The following PWWP3A variants were observed in gnomAD, a reference collection of about 807,000 sequenced individuals.
The protein encoded by PWWP3A is PWWP domain-containing DNA repair factor 3A.
In PWWP3A, 53 loss-of-function variants were observed where a neutral mutation model predicts 79.0. The ratio of observed to expected loss-of-function variants is 0.67; its 90% CI spans 0.54 to 0.84. The LOEUF is 0.84. PWWP3A is among the 40% of genes least tolerant of loss of function. PWWP3A has a pLI of 0.00. For synonymous variants in PWWP3A, 443 were observed against 394.4 expected (o/e 1.12, Z -1.46); for missense variants, 973 against 948.0 (o/e 1.03, Z -0.35).
At chr19:1,373,252 C>A in intron 13 of PWWP3A, 92 bp downstream of exon 13, 1 of 1,117,050 alleles carries the variant, frequency 9.0e-7, no homozygotes, top group Non-Finnish European at 1.3e-6. Flanking sequence ...TCCAGGCTGC[C>A]GCAGCCCCTC....
chr19:1,365,718 G>T (rs1327278156), intron 7 of PWWP3A, among the ~76,000 whole-genome samples: 1 of 152,242 alleles, frequency 6.6e-6, no homozygotes, highest in Non-Finnish European at 1.5e-5. Context: ...CAGTTTCTGG[G>T]GTCCCTGCTG....
chr19:1,364,648 C>T (rs1371767875), intron 7 of PWWP3A, 69 bp downstream of exon 7: 3 of 1,152,150 alleles, frequency 2.6e-6, no homozygotes, highest in Non-Finnish European at 3.8e-6. Flanking sequence ...TTCCATCCAT[C>T]TTTAGTTCTT....
At chr19:1,375,876 G>A (rs1211917026) in intron 13 of PWWP3A, among the ~76,000 whole-genome samples, 2 of 128,264 alleles carry the variant, frequency 1.6e-5, no homozygotes, top group Non-Finnish European at 3.3e-5. Context: ...CACAGTCTCG[G>A]CCCACTGCAA....
At position 1,369,092 on chromosome 19, in the gene PWWP3A, G is replaced by A; in HGVS notation, c.1423-173G>A. On this transcript the variant is annotated intron_variant, in intron 9 of 13. Transcript: ENST00000591337. The surrounding 1 kb of genome is among the most constrained non-coding windows in gnomAD (Gnocchi z 4.0). ...CTGGTGCGTTTCCCATTTACCAGAG[G>A]GTCCCTGTGCGAGGCGTCTGCCAGA... is the stretch of plus-strand genomic sequence containing the variant. 1 of 608,464 alleles carries A rather than the reference G, an allele frequency of 1.6e-6. No homozygotes were observed. The highest frequency in any genetic ancestry group is 3.0e-6 in the Non-Finnish European group (1 of 337,402). The allele number at this position is 608,464 out of a possible 1,614,324, so 37.7% of individuals were successfully genotyped here. A position where few individuals can be genotyped will look rare whatever the true frequency, so the allele number is the denominator to read the frequency against.
rs2082191471 is a variant in PWWP3A, at chr19:1,368,984, G to A, written c.1423-281G>A. ...GATCAGCCCAAGCCATCGGGTCCCC[G>A]GTGCCCACCTGCGTTCAGATCAGCC... On this transcript the variant is annotated intron_variant, in intron 9 of 13. Transcript: ENST00000591337. This position sits in a 1 kb window ranked among gnomAD's most constrained non-coding sequence, Gnocchi z 4.7. The A allele has an allele frequency of 8.3e-6, 3 of 359,390 alleles. No individual in the cohort carries two copies. Among genetic ancestry groups the A allele is most frequent in the Non-Finnish European group, 1.6e-5 (3 of 189,842 alleles). 22.3% of individuals were successfully genotyped at this position (359,390 alleles called of 1,614,324 possible).
Position 1,376,595 on chromosome 19 carries a change from T to G in PWWP3A, c.*19T>G. ...TCGGTGAGGGAGCAGCCGGCTGTGCTGTCAGCGGGGCCTGGCGGTGGAAGC... is the reference window on the plus strand; with the variant it reads ...TCGGTGAGGGAGCAGCCGGCTGTGCGGTCAGCGGGGCCTGGCGGTGGAAGC... On this transcript the variant is annotated 3_prime_UTR_variant, in exon 14 of 14. Coordinates refer to ENST00000591337, the MANE Select transcript of PWWP3A (RefSeq NM_001369789.1). 1 of 1,613,076 alleles carries G rather than the reference T, an allele frequency of 6.2e-7. No individual in the cohort carries two copies. The highest frequency in any genetic ancestry group is 8.5e-7 in the Non-Finnish European group (1 of 1,179,646).
At position 1,360,399 on chromosome 19, in the gene PWWP3A, C is replaced by T. The variant is rs35756018; in HGVS notation, c.478C>T (p.Leu160=). ...HRRRPCVQQS[L]SSSFTCEKDP... is the part of the protein sequence containing the mutation. The stretch of plus-strand genomic sequence containing the variant: ...GAGGAGGCCATGTGTGCAACAAAGC[C>T]TGTCAAGTTCGTTCACTTGTGAAAA... Residue 160 remains leucine, a synonymous_variant, in exon 5 of 14, where the codon CTG becomes TTG. Transcript: ENST00000591337. The surrounding 1 kb of genome is among the most constrained non-coding windows in gnomAD (Gnocchi z 4.4). 199 of 1,614,000 alleles carry T rather than the reference C, an allele frequency of 1.2e-4. No homozygotes were observed. The highest frequency in any genetic ancestry group is 1.2e-4 in the Non-Finnish European group (146 of 1,180,046).
At chr19:1,361,076 C>T in intron 5 of PWWP3A, 44 bp downstream of exon 5, 2 of 1,382,794 alleles carry the variant, frequency 1.4e-6, no homozygotes, top group Non-Finnish European at 1.9e-6. Context: ...GGGTGGAGTC[C>T]TGCTCCTCCG....
Position 1,378,225 on chromosome 19 carries a change from T to G in PWWP3A, c.*1649T>G, listed in dbSNP as rs2082440075. 2 of 152,262 alleles carry G rather than the reference T, an allele frequency of 1.3e-5. No homozygotes were observed. The highest frequency in any genetic ancestry group is 2.9e-5 in the Non-Finnish European group (2 of 68,032). 9.4% of individuals were successfully genotyped at this position (152,262 alleles called of 1,614,324 possible). On this transcript the variant is annotated 3_prime_UTR_variant, in exon 14 of 14. Coordinates refer to ENST00000591337, the MANE Select transcript of PWWP3A (RefSeq NM_001369789.1). Reference sequence around the variant, plus strand: ...TGAGGCGGGGCTCAGCAGCGTTGCATGTACGGGCCTCGTACTGCCTCATGG... The same window carrying G: ...TGAGGCGGGGCTCAGCAGCGTTGCAGGTACGGGCCTCGTACTGCCTCATGG...
chr19:1,371,038 GC>G lies in PWWP3A; in HGVS notation c.1947del (p.Asp650ThrfsTer40). The G allele has an allele frequency of 6.4e-7, 1 of 1,573,550 alleles. No homozygotes were observed. Among genetic ancestry groups the G allele is most frequent in the Non-Finnish European group, 8.6e-7 (1 of 1,159,276 alleles). On this transcript the variant is annotated frameshift_variant, in exon 12 of 14. Coordinates refer to ENST00000591337, the MANE Select transcript of PWWP3A (RefSeq NM_001369789.1). LOFTEE classifies it high-confidence loss of function. ...GCCAAGGTGCTCCAGCGCACCAACG[GC>G]GACCGGATCCGGTTCATTCTGGACG... ...VGAKVLQRTNGDRIRFILDVL... is the reference protein window; with the variant it reads ...VGAKVLQRTNXDRIRFILDVL...
chr19:1,361,102 C>G (rs777382468), intron 5 of PWWP3A, 70 bp downstream of exon 5: 1 of 1,335,706 alleles, frequency 7.5e-7, no homozygotes, highest in Non-Finnish European at 9.6e-7. Context: ...AGACTGGGAG[C>G]CAGGCACGTG....
chr19:1,371,276 C>T (rs549839292), intron 12 of PWWP3A, 198 bp downstream of exon 12: 147 of 742,028 alleles, frequency 2.0e-4, no homozygotes, highest in African/African-American at 1.3e-3. Context: ...TGTGCGGAGA[C>T]GGAGCCGCTT....
In PWWP3A at chr19:1,375,566, A is replaced by ATAATATAATTTTATATATTGT. The variant is rs1568965663; in HGVS notation, c.2076-953_2076-952insTAATATAATTTTATATATTGT. 5.8e-4 allele frequency among the ~76,000 whole-genome samples: 47 copies of ATAATATAATTTTATATATTGT among 81,314 alleles called. 2 individuals are homozygous for ATAATATAATTTTATATATTGT. The South Asian group carries it at 0.011, about 19-fold the overall frequency. The allele number at this position is 81,314 out of a possible 152,430, so 53.3% of individuals were successfully genotyped here. On this transcript the variant is annotated intron_variant, in intron 13 of 13. Coordinates refer to ENST00000591337, the MANE Select transcript of PWWP3A (RefSeq NM_001369789.1). ...TATATAAAATATATATTATATATAAAATATATTATATATAAAATGTATAAT... is the reference window on the plus strand; with the variant it reads ...TATATAAAATATATATTATATATAAATAATATAATTTTATATATTGTATATATTATATATAAAATGTATAAT...
intron 5 of PWWP3A, 59 bp from the exon 6 acceptor site, chr19:1,362,191 G>A: frequency 7.0e-7 from 1 of 1,431,828 alleles, no homozygotes; most frequent in Non-Finnish European, 9.7e-7. Context: ...ATGTTTTCTT[G>A]GGATGAGTCA....
At chr19:1,363,160 C>A (rs540103670) in intron 6 of PWWP3A, among the ~76,000 whole-genome samples, 1 of 152,252 alleles carries the variant, frequency 6.6e-6, no homozygotes, top group Non-Finnish European at 1.5e-5. Context: ...TGTGCAGCCT[C>A]GGGAGCGCCA....
At chr19:1,362,738 C>T (rs549691465) in intron 6 of PWWP3A, among the ~76,000 whole-genome samples, 8 of 152,342 alleles carry the variant, frequency 5.3e-5, no homozygotes, top group East Asian at 1.9e-4. Flanking sequence ...TTGGTGATGG[C>T]GTTTGGGGGG....
chr19:1,359,795 A>G (rs916621183), intron 4 of PWWP3A: 1 of 186,156 alleles, frequency 5.4e-6, no homozygotes, highest in Non-Finnish European at 1.1e-5. Flanking sequence ...TGAATTTGAA[A>G]TTGTAAGGCT....
chr19:1,370,247 G>A (rs955505193), intron 11 of PWWP3A, among the ~76,000 whole-genome samples: 2 of 152,128 alleles, frequency 1.3e-5, no homozygotes, highest in African/African-American at 2.4e-5. Context: ...AAAAGAGAAC[G>A]TGTCACGAAC....
At chr19:1,366,101 C>T (rs1431053036) in intron 7 of PWWP3A, among the ~76,000 whole-genome samples, 5 of 152,342 alleles carry the variant, frequency 3.3e-5, no homozygotes, top group East Asian at 3.9e-4. Flanking sequence ...TGGCTGATTC[C>T]GCTCAGATGG....
Sources: allele counts gnomAD v4.1 joint callset (sites outside exome capture counted in the v4.1 genomes callset), GRCh38; gene constraint gnomAD v4.1.1; non-coding constraint Gnocchi (gnomAD v3.1); transcripts MANE v1.5; gene names NCBI Gene and HGNC (gene_info 2026-07-23, HGNC 2026-07-21).